CLEC2A: variants seen among roughly 807,000 people sequenced by gnomAD.
CLEC2A encodes keratinocyte-associated C-type lectin.
CLEC2A carries 19 observed loss-of-function variants against 18.6 expected under a neutral mutation model. That is an observed-to-expected ratio of 1.02 (90% confidence interval 0.71 to 1.50). CLEC2A has a LOEUF of 1.50. Ranked by LOEUF, CLEC2A falls within the 40% of genes most tolerant of loss-of-function variation. The pLI, the probability that CLEC2A is intolerant of heterozygous loss-of-function variation, is 0.00. For synonymous variants in CLEC2A, 74 were observed against 64.0 expected (o/e 1.16, Z -0.75); for missense variants, 190 against 207.9 (o/e 0.91, Z 0.53).
chr12:9,912,592 C>T (rs145815545), downstream of CLEC2A, among the ~76,000 whole-genome samples: 25 of 151,960 alleles, frequency 1.6e-4, no homozygotes, highest in East Asian at 2.9e-3. Context: ...TCTTGTCCTG[C>T]CCATGTCCAT....
chr12:9,918,860 G>A (rs548815211), intron 3 of CLEC2A, among the ~76,000 whole-genome samples: 1 of 152,154 alleles, frequency 6.6e-6, no homozygotes, highest in South Asian at 2.1e-4. Context: ...TAGTACAGTC[G>A]ATAGATCTCT....
intron 3 of CLEC2A, 145 bp from the exon 4 acceptor site, chr12:9,916,948 A>C: frequency 1.8e-6 from 1 of 561,800 alleles, no homozygotes; most frequent in East Asian, 2.9e-5. Context: ...AACAGCACAG[A>C]TGTTGATGTT....
chr12:9,885,235 A>T, the CLEC2A span, among the ~76,000 whole-genome samples: 1 of 151,822 alleles, frequency 6.6e-6, no homozygotes, highest in South Asian at 2.1e-4. Flanking sequence ...AGAACCCCCA[A>T]TAGAGGTTGA....
chr12:9,885,848 C>G, the CLEC2A span, among the ~76,000 whole-genome samples: 1 of 152,020 alleles, frequency 6.6e-6, no homozygotes, highest in Non-Finnish European at 1.5e-5. Context: ...TGTTAAACGA[C>G]TATTTTTAGT....
intron 4 of CLEC2A, among the ~76,000 whole-genome samples, chr12:9,914,906 T>C (rs1286145309): frequency 6.6e-6 from 1 of 152,118 alleles, no homozygotes; most frequent in Admixed American, 6.6e-5. Flanking sequence ...GAAACTATCA[T>C]CAGAGTAAAC....
intron 3 of CLEC2A, among the ~76,000 whole-genome samples, chr12:9,920,782 C>G (rs926438387): frequency 2.0e-5 from 3 of 152,178 alleles, no homozygotes; most frequent in Non-Finnish European, 2.9e-5. Flanking sequence ...GTGTCTCCTT[C>G]TTTGCCCTCT....
intron 1 of CLEC2A, 73 bp downstream of exon 1, chr12:9,932,202 C>T (rs999809592): frequency 1.8e-6 from 2 of 1,083,554 alleles, no homozygotes; most frequent in Admixed American, 4.0e-5. Flanking sequence ...GTAAAGAGTC[C>T]ATATTTTTAA....
chr12:9,898,877 A>G (rs1206069320), exon 5 of CLEC2A: 1 of 711,096 alleles, frequency 1.4e-6, no homozygotes, highest in Admixed American at 2.0e-5. Flanking sequence ...GTTTTGGGGA[A>G]ACGGCAGTCA....
At chr12:9,923,756 G>C (rs1363484222) in intron 2 of CLEC2A, among the ~76,000 whole-genome samples, 1 of 152,114 alleles carries the variant, frequency 6.6e-6, no homozygotes, top group East Asian at 1.9e-4. Flanking sequence ...CCTTAAAAAA[G>C]GATGAGTTCA....
chr12:9,884,611 TATA>T, the CLEC2A span, among the ~76,000 whole-genome samples: 1 of 148,540 alleles, frequency 6.7e-6, no homozygotes, highest in East Asian at 1.9e-4. Context: ...TTATATTTTA[TATA>T]ATATGTTATA....
chr12:9,919,481 C>T (rs906784630), intron 3 of CLEC2A, among the ~76,000 whole-genome samples: 1 of 152,184 alleles, frequency 6.6e-6, no homozygotes, highest in Non-Finnish European at 1.5e-5. Context: ...TTTGCTCCTT[C>T]ATTAGTCTGA....
At chr12:9,925,137 C>T (rs1440561649) in intron 2 of CLEC2A, among the ~76,000 whole-genome samples, 1 of 152,196 alleles carries the variant, frequency 6.6e-6, no homozygotes, top group Non-Finnish European at 1.5e-5. Flanking sequence ...CATCTTTAGG[C>T]TTTCATAAGG....
Position 9,922,219 on chromosome 12 carries a change from C to T in CLEC2A, c.153G>A (p.Lys51=). 5 of 1,532,154 alleles carry T rather than the reference C, an allele frequency of 3.3e-6. No homozygotes were observed. Among genetic ancestry groups the T allele is most frequent in the Non-Finnish European group, 4.4e-6 (5 of 1,139,188 alleles). 94.9% of individuals were successfully genotyped at this position (1,532,154 alleles called of 1,614,324 possible). Reference sequence around the variant, plus strand: ...CTGAACATGCCACAGGTTTAGCATGCTTGGACCATGTGGCTGAAAAAAAAA... The same window carrying T: ...CTGAACATGCCACAGGTTTAGCATGTTTGGACCATGTGGCTGAAAAAAAAA... The part of the protein sequence containing the change: ...VCIIMIATWS[K]HAKPVACSGD... Residue 51 remains lysine (K), a synonymous_variant, in exon 3 of 5, where the codon AAG becomes AAA. Coordinates refer to ENST00000455827, the MANE Select transcript of CLEC2A (RefSeq NM_001130711.2).
At chr12:9,891,161 A>T in the CLEC2A span, among the ~76,000 whole-genome samples, 5 of 152,096 alleles carry the variant, frequency 3.3e-5, no homozygotes, top group South Asian at 1.0e-3. Context: ...CTCTACAAAG[A>T]TATTTTAGAA....
At chr12:9,902,491 C>T (rs1862845301) in intron 4 of CLEC2A, among the ~76,000 whole-genome samples, 1 of 151,944 alleles carries the variant, frequency 6.6e-6, no homozygotes, top group African/African-American at 2.4e-5. Context: ...CCTCGGCCTC[C>T]CAAAGTGCTG....
At chr12:9,884,980 A>G in the CLEC2A span, 1 of 1,350,444 alleles carries the variant, frequency 7.4e-7, no homozygotes, top group Non-Finnish European at 9.6e-7. Flanking sequence ...TCATATTTGG[A>G]TGCATTGTGA....
rs546080064 is a variant in CLEC2A at position 9,920,602 on chromosome 12, GTACCC to G, written c.306+1459_306+1463del. ...GTTTCCTTGATTAGTTCCATTGCGT[GTACCC>G]TGGATGTTTCAGTTCAAAGTGCTGT... On this transcript the variant is annotated intron_variant, in intron 3 of 4. Coordinates refer to ENST00000455827, the MANE Select transcript of CLEC2A (RefSeq NM_001130711.2). Among the ~76,000 whole-genome samples the G allele has an allele frequency of 4.8e-3, 734 of 152,234 alleles. 3 individuals carry two copies. Among genetic ancestry groups the G allele is most frequent in the Non-Finnish European group, 6.5e-3 (441 of 68,024 alleles).
At chr12:9,893,184 C>T in the CLEC2A span, 2 of 1,524,634 alleles carry the variant, frequency 1.3e-6, no homozygotes, top group Non-Finnish European at 1.8e-6. Context: ...AAATCAAAAA[C>T]AGGATCTAAC....
At chr12:9,879,511 C>T in the CLEC2A span, among the ~76,000 whole-genome samples, 9 of 152,152 alleles carry the variant, frequency 5.9e-5, no homozygotes, top group Non-Finnish European at 7.3e-5. Flanking sequence ...TGATGGTTTC[C>T]GGCTTGTATT....
Sources: gnomAD v4.1 joint callset for allele counts (sites outside exome capture counted in the v4.1 genomes callset) on GRCh38, gnomAD v4.1.1 for gene constraint, MANE v1.5 for transcripts, NCBI Gene and HGNC (gene_info 2026-07-23, HGNC 2026-07-21) for gene names.